Variants in FAM107B observed in about 807,000 individuals in gnomAD.
FAM107B encodes protein FAM107B.
FAM107B carries 21 observed loss-of-function variants against 31.5 expected under a neutral mutation model. The observed-to-expected ratio is 0.67, with a 90% confidence interval of 0.47 to 0.96. The LOEUF (loss-of-function observed/expected upper bound fraction) is 0.96, where lower values mean the gene tolerates loss of function less well. Among genes scored for constraint, FAM107B ranks in the 40% least tolerant of loss-of-function variants. The pLI is 0.00. For synonymous variants in FAM107B, 157 were observed against 141.5 expected, an observed-to-expected ratio of 1.11 and a Z score of -0.78; for missense variants, 452 against 377.1, an observed-to-expected ratio of 1.20 and a Z score of -1.64.
At chr10:14,630,989 T>A (rs758876490) in intron 2 of FAM107B, among the ~76,000 whole-genome samples, 17 of 152,156 alleles carry the variant, frequency 1.1e-4, no homozygotes, top group Non-Finnish European at 2.2e-4. Flanking sequence ...TAATGGACTT[T>A]TATTATTTTA....
At chr10:14,679,360 G>A (rs1402602116) in intron 1 of FAM107B, among the ~76,000 whole-genome samples, 1 of 152,094 alleles carries the variant, frequency 6.6e-6, no homozygotes, top group Non-Finnish European at 1.5e-5. Flanking sequence ...TGAACTCCTG[G>A]CCTCAAGCAA....
At chr10:14,573,561 T>C (rs1333156990) in intron 2 of FAM107B, among the ~76,000 whole-genome samples, 1 of 124,252 alleles carries the variant, frequency 8.0e-6, no homozygotes, top group East Asian at 2.3e-4. Flanking sequence ...TGAAACCCCA[T>C]CTCTATTAAA....
intron 2 of FAM107B, among the ~76,000 whole-genome samples, chr10:14,541,091 G>T (rs935855316): frequency 7.9e-5 from 12 of 151,952 alleles, no homozygotes; most frequent in Non-Finnish European, 1.6e-4. Context: ...GTACAGAATC[G>T]ATCATCAGTT....
intron 1 of FAM107B, among the ~76,000 whole-genome samples, chr10:14,711,887 G>T (rs191426535): frequency 6.6e-6 from 1 of 152,130 alleles, no homozygotes; most frequent in African/African-American, 2.4e-5. Context: ...CAAGTAATCC[G>T]CCCACCTTGG....
At chr10:14,747,852 A>G (rs1832756354) in intron 1 of FAM107B, among the ~76,000 whole-genome samples, 1 of 152,216 alleles carries the variant, frequency 6.6e-6, no homozygotes, top group Admixed American at 6.5e-5. Context: ...TACCCCAAAG[A>G]GTCTTCATAA....
chr10:14,667,744 T>A, intron 1 of FAM107B, 53 bp from the exon 2 acceptor site: 9 of 1,582,450 alleles, frequency 5.7e-6, no homozygotes, highest in Non-Finnish European at 6.9e-6. Flanking sequence ...AAAATATGCA[T>A]TAATGTAAGG....
At chr10:14,632,569 C>CCACT (rs1853392917) in intron 2 of FAM107B, among the ~76,000 whole-genome samples, 1 of 147,998 alleles carries the variant, frequency 6.8e-6, no homozygotes, top group Non-Finnish European at 1.5e-5. Context: ...CGAGATTGCG[C>CCACT]CACTGCACTC....
At chr10:14,548,608 C>CA in intron 2 of FAM107B, 2 of 985,494 alleles carry the variant, frequency 2.0e-6, no homozygotes, top group Non-Finnish European at 2.4e-6. Context: ...AAGGCAGAGA[C>CA]AGCCCCTGAG....
At chr10:14,636,271 CAA>C (rs56401366) in intron 2 of FAM107B, among the ~76,000 whole-genome samples, 1,607 of 85,276 alleles carry the variant, frequency 0.019, 22 homozygotes, top group African/African-American at 0.047. Flanking sequence ...AAAAAGGAGC[CAA>C]AAAAAAAAAA....
intron 3 of FAM107B, among the ~76,000 whole-genome samples, chr10:14,523,434 A>G (rs771458182): frequency 6.6e-5 from 10 of 152,262 alleles, no homozygotes; most frequent in Non-Finnish European, 1.3e-4. Flanking sequence ...GTGGTGGAAC[A>G]GTAATTCAGG....
intron 2 of FAM107B, among the ~76,000 whole-genome samples, chr10:14,645,611 C>A (rs1394867484): frequency 1.3e-5 from 2 of 152,186 alleles, no homozygotes; most frequent in Admixed American, 6.5e-5. Context: ...AAAGAGAGAA[C>A]CTCTCTCCCA....
chr10:14,559,118 CAAAAA>C (rs59285556), intron 2 of FAM107B, among the ~76,000 whole-genome samples: 3 of 112,256 alleles, frequency 2.7e-5, no homozygotes, highest in Non-Finnish European at 5.7e-5. Flanking sequence ...AAAAAAAAAA[CAAAAA>C]AAAAACACCT....
intron 1 of FAM107B, among the ~76,000 whole-genome samples, chr10:14,751,693 A>G (rs1482416267): frequency 6.6e-6 from 1 of 151,866 alleles, no homozygotes; most frequent in Non-Finnish European, 1.5e-5. Flanking sequence ...TATTTGAAAA[A>G]ACTGTGAGGA....
chr10:14,598,873 A>T (rs1852274017), intron 2 of FAM107B, among the ~76,000 whole-genome samples: 1 of 152,128 alleles, frequency 6.6e-6, no homozygotes. Context: ...ACTAGAGCTC[A>T]AGGGGTTACG....
At chr10:14,662,477 A>G (rs1854270825) in intron 2 of FAM107B, among the ~76,000 whole-genome samples, 1 of 151,700 alleles carries the variant, frequency 6.6e-6, no homozygotes, top group Non-Finnish European at 1.5e-5. Flanking sequence ...CCTGGGCTCA[A>G]GTGATCCTCC....
chr10:14,668,800 C>G, intron 1 of FAM107B, among the ~76,000 whole-genome samples: 1 of 152,138 alleles, frequency 6.6e-6, no homozygotes, highest in East Asian at 1.9e-4. Flanking sequence ...CAGCTTCCTT[C>G]CTAGCCTGGC....
intron 1 of FAM107B, among the ~76,000 whole-genome samples, chr10:14,672,324 T>C (rs1011171382): frequency 2.6e-5 from 4 of 152,142 alleles, no homozygotes; most frequent in Middle Eastern, 3.4e-3. Flanking sequence ...CTAACCTCAG[T>C]TGATCTGCCC....
At chr10:14,766,759 T>C (rs1833170291) in intron 1 of FAM107B, among the ~76,000 whole-genome samples, 1 of 151,514 alleles carries the variant, frequency 6.6e-6, no homozygotes, top group African/African-American at 2.4e-5. Flanking sequence ...CAGGAAGATG[T>C]AGAAAATCTG....
chr10:14,655,887 C>T (rs1398659656), intron 2 of FAM107B, among the ~76,000 whole-genome samples: 1 of 152,156 alleles, frequency 6.6e-6, no homozygotes, highest in African/African-American at 2.4e-5. Flanking sequence ...GTGACAATTA[C>T]TCCTCAGGGG....
Sources: allele counts gnomAD v4.1 joint callset (sites outside exome capture counted in the v4.1 genomes callset), GRCh38; gene constraint gnomAD v4.1.1; transcripts MANE v1.5; gene names NCBI Gene and HGNC (gene_info 2026-07-23, HGNC 2026-07-21).